The following NSG2 variants were observed in gnomAD, a reference collection of about 807,000 sequenced individuals.
The protein encoded by NSG2 is neuronal vesicle trafficking-associated protein 2.
NSG2 carries 4 observed loss-of-function variants against 16.9 expected under a neutral mutation model. The observed-to-expected ratio is 0.24, with a 90% CI of 0.12 to 0.54. The LOEUF is 0.54. Ranked by LOEUF, NSG2 falls within the 20% of genes least tolerant of loss-of-function variation. NSG2 has a pLI of 0.95. For missense variants in NSG2, 179 were observed against 221.1 expected, an observed-to-expected ratio of 0.81 and a Z score of 1.21; for synonymous variants, 98 against 88.7, an observed-to-expected ratio of 1.11 and a Z score of -0.59.
chr5:174,100,596 C>T (rs900322794), intron 3 of NSG2, among the ~76,000 whole-genome samples: 1 of 152,206 alleles, frequency 6.6e-6, no homozygotes, highest in Non-Finnish European at 1.5e-5. Context: ...TTTGAAACCA[C>T]TACCTCCAAC....
In NSG2 at chr5:174,108,885, G is replaced by A. The variant is rs1761026010; in HGVS notation, c.*1380G>A. ...GTATTTTTTTGTGGCTTGCTGTGTTGCTGAGATCATCGTATGCAACAGCTG... is the reference window on the plus strand; with the variant it reads ...GTATTTTTTTGTGGCTTGCTGTGTTACTGAGATCATCGTATGCAACAGCTG... On this transcript the variant is annotated 3_prime_UTR_variant, in exon 5 of 5. Transcript: ENST00000303177. 6.5e-6 allele frequency: 1 copy of A among 152,754 alleles called. No individual in the cohort carries two copies. The highest frequency in any genetic ancestry group is 1.5e-5 in the Non-Finnish European group (1 of 68,060). The allele number at this position is 152,754 out of a possible 1,614,324, so 9.5% of individuals were successfully genotyped here. A position where few individuals can be genotyped will look rare whatever the true frequency, so the allele number is the denominator to read the frequency against.
chr5:174,049,699 G>T (rs1368693124), intron 2 of NSG2, among the ~76,000 whole-genome samples: 2 of 152,158 alleles, frequency 1.3e-5, no homozygotes, highest in Non-Finnish European at 2.9e-5. Context: ...CCCCAGGTGT[G>T]GTCTGTGGCT....
At chr5:174,074,112 A>C (rs1032093402) in intron 3 of NSG2, among the ~76,000 whole-genome samples, 1 of 152,100 alleles carries the variant, frequency 6.6e-6, no homozygotes, top group Non-Finnish European at 1.5e-5. Context: ...TCAGCACACC[A>C]CTGTGGAAAG....
chr5:174,083,931 C>T (rs149123716), intron 3 of NSG2, among the ~76,000 whole-genome samples: 11 of 152,270 alleles, frequency 7.2e-5, no homozygotes, highest in East Asian at 3.9e-4. Context: ...AGGCCACATG[C>T]GTTAGATAGG....
intron 2 of NSG2, among the ~76,000 whole-genome samples, chr5:174,054,992 G>A (rs1321358607): frequency 6.6e-6 from 1 of 152,224 alleles, no homozygotes; most frequent in South Asian, 2.1e-4. Flanking sequence ...TGTCTAGTAC[G>A]TAGTAGATGC....
intron 1 of NSG2, among the ~76,000 whole-genome samples, chr5:174,046,359 G>T (rs536722785): frequency 2.4e-4 from 36 of 152,028 alleles, no homozygotes; most frequent in Non-Finnish European, 4.9e-4. Context: ...GCAGGCGGGG[G>T]GGGTGGTATA....
chr5:174,054,199 A>G (rs1225209435), intron 2 of NSG2, among the ~76,000 whole-genome samples: 1 of 152,254 alleles, frequency 6.6e-6, no homozygotes, highest in African/African-American at 2.4e-5. Context: ...CCATTTGGGG[A>G]AACACACATA....
chr5:174,076,848 C>T (rs1194139403), intron 3 of NSG2, among the ~76,000 whole-genome samples: 4 of 152,146 alleles, frequency 2.6e-5, no homozygotes, highest in African/African-American at 4.8e-5. Context: ...TAGGACAGCT[C>T]CTTACAACAA....
chr5:174,099,772 C>T (rs1236745722), intron 3 of NSG2, among the ~76,000 whole-genome samples: 1 of 152,090 alleles, frequency 6.6e-6, no homozygotes, highest in African/African-American at 2.4e-5. Flanking sequence ...AATGTTCTTC[C>T]ATGAAGTCAC....
chr5:174,070,356 A>C (rs1760217425), intron 3 of NSG2, among the ~76,000 whole-genome samples: 1 of 152,154 alleles, frequency 6.6e-6, no homozygotes, highest in Non-Finnish European at 1.5e-5. Context: ...TAGAGAAGTG[A>C]GGTGATTTTC....
intron 4 of NSG2, 127 bp downstream of exon 4, chr5:174,104,465 A>G (rs1760946749): frequency 3.0e-6 from 2 of 670,538 alleles, no homozygotes. Context: ...AAAATGGAAT[A>G]TGTGTTTGGC....
intron 3 of NSG2, chr5:174,066,325 A>G: frequency 2.2e-6 from 1 of 445,854 alleles, no homozygotes; most frequent in Non-Finnish European, 4.5e-6. Context: ...GGCCTGGGGT[A>G]TCTTGGTGCA....
chr5:174,063,832 A>G (rs894424620), intron 2 of NSG2, among the ~76,000 whole-genome samples: 2 of 152,208 alleles, frequency 1.3e-5, no homozygotes, highest in Non-Finnish European at 2.9e-5. Flanking sequence ...GTGAAATGTT[A>G]TACTATGCCA....
rs114551762 is a variant in NSG2 at position 174,064,450 on chromosome 5, G to A, written c.213+135G>A. The A allele has an allele frequency of 2.2e-3, 1,199 of 543,340 alleles. 12 individuals carry two copies. Among genetic ancestry groups the A allele is most frequent in the African/African-American group, 0.02 (1,081 of 53,152 alleles). 33.7% of individuals were successfully genotyped at this position (543,340 alleles called of 1,614,324 possible). Reference sequence around the variant, plus strand: ...GGCTATTTCTGGAGGATTTCTTGAAGCCATACAGTCTGGCCACTGAGTTTA... The same window carrying A: ...GGCTATTTCTGGAGGATTTCTTGAAACCATACAGTCTGGCCACTGAGTTTA... On this transcript the variant is annotated intron_variant, in intron 3 of 4. Coordinates refer to ENST00000303177, the MANE Select transcript of NSG2 (RefSeq NM_015980.5).
intron 3 of NSG2, among the ~76,000 whole-genome samples, chr5:174,087,256 CG>C (rs1760641690): frequency 6.6e-6 from 1 of 152,058 alleles, no homozygotes. Flanking sequence ...TGGAGAGAAC[CG>C]GTGTATTCCA....
intron 2 of NSG2, among the ~76,000 whole-genome samples, chr5:174,053,713 A>T (rs1424951819): frequency 6.6e-6 from 1 of 152,258 alleles, no homozygotes; most frequent in African/African-American, 2.4e-5. Flanking sequence ...CAATAAATGT[A>T]GCAAAAATAC....
chr5:174,103,662 A>G (rs1760934692), intron 3 of NSG2, among the ~76,000 whole-genome samples: 1 of 152,130 alleles, frequency 6.6e-6, no homozygotes, highest in African/African-American at 2.4e-5. Flanking sequence ...ATCAGAAAGG[A>G]GTGGTCGGGT....
chr5:174,060,538 T>C (rs2113429666), intron 2 of NSG2, among the ~76,000 whole-genome samples: 1 of 152,322 alleles, frequency 6.6e-6, no homozygotes, highest in African/African-American at 2.4e-5. Context: ...TTTCAATTGC[T>C]GTGTGACAAA....
intron 3 of NSG2, among the ~76,000 whole-genome samples, chr5:174,093,511 T>G (rs1760751312): frequency 6.6e-6 from 1 of 152,164 alleles, no homozygotes; most frequent in Admixed American, 6.5e-5. Flanking sequence ...TCTGCTTCAT[T>G]CACTACTTGG....
Sources: gnomAD v4.1 joint callset for allele counts (sites outside exome capture counted in the v4.1 genomes callset) on GRCh38, gnomAD v4.1.1 for gene constraint, MANE v1.5 for transcripts, NCBI Gene and HGNC (gene_info 2026-07-23, HGNC 2026-07-21) for gene names.